The following ZFAND6 variants were observed in gnomAD, a reference collection of about 807,000 sequenced individuals.
ZFAND6 encodes the protein AN1-type zinc finger protein 6.
A neutral mutation model predicts 24.5 loss-of-function variants in ZFAND6; 12 were observed. The observed-to-expected ratio is 0.49, with a 90% CI of 0.31 to 0.79. The LOEUF (loss-of-function observed/expected upper bound fraction) is 0.79, where lower values mean the gene tolerates loss of function less well. Ranked by LOEUF, ZFAND6 falls within the 30% of genes least tolerant of loss-of-function variation. The probability of loss-of-function intolerance (pLI) is 0.04; values close to 1 mark genes in which losing one functional copy is unlikely to be tolerated. For synonymous variants in ZFAND6, 92 were observed against 81.5 expected, an observed-to-expected ratio of 1.13 and a Z score of -0.69; for missense variants, 207 against 245.9, an observed-to-expected ratio of 0.84 and a Z score of 1.06.
chr15:80,101,106 T>A (rs1324006718), intron 2 of ZFAND6, among the ~76,000 whole-genome samples: 1 of 152,192 alleles, frequency 6.6e-6, no homozygotes, highest in African/African-American at 2.4e-5. Flanking sequence ...ATTTGAACAT[T>A]ACAAAGTAGG....
At chr15:80,112,499 A>AC (rs1480498243) in intron 2 of ZFAND6, among the ~76,000 whole-genome samples, 1 of 151,880 alleles carries the variant, frequency 6.6e-6, no homozygotes, top group Non-Finnish European at 1.5e-5. Context: ...TTGGGTTCAA[A>AC]CAATGCTCCT....
At chr15:80,132,198 A>G (rs1055229377) in intron 6 of ZFAND6, among the ~76,000 whole-genome samples, 1 of 152,204 alleles carries the variant, frequency 6.6e-6, no homozygotes, top group African/African-American at 2.4e-5. Context: ...AATACATTGG[A>G]AAATTTTTTG....
At chr15:80,065,208 CAT>C (rs1248082125) in intron 1 of ZFAND6, among the ~76,000 whole-genome samples, 2 of 151,088 alleles carry the variant, frequency 1.3e-5, no homozygotes, top group African/African-American at 2.4e-5. Context: ...TTTATTTTGA[CAT>C]ATGTGAAGTG....
intron 1 of ZFAND6, among the ~76,000 whole-genome samples, chr15:80,064,640 G>GT (rs2036516685): frequency 6.6e-6 from 1 of 151,250 alleles, no homozygotes; most frequent in African/African-American, 2.4e-5. Flanking sequence ...GTATGTTTGG[G>GT]TTTTTTAAAA....
chr15:80,065,021 T>TG (rs1264600065), intron 1 of ZFAND6, among the ~76,000 whole-genome samples: 1 of 144,000 alleles, frequency 6.9e-6, no homozygotes, highest in African/African-American at 2.5e-5. Context: ...TTTTTTTTTT[T>TG]TAACAAAACA....
chr15:80,097,424 G>A (rs2038788555), intron 1 of ZFAND6, among the ~76,000 whole-genome samples: 1 of 152,092 alleles, frequency 6.6e-6, no homozygotes, highest in South Asian at 2.1e-4. Context: ...AAGGCAGGTG[G>A]ATCACCTGAG....
At chr15:80,107,336 A>G (rs770712354) in intron 2 of ZFAND6, among the ~76,000 whole-genome samples, 6 of 152,198 alleles carry the variant, frequency 3.9e-5, no homozygotes, top group Non-Finnish European at 8.8e-5. Context: ...ACTATTAGGT[A>G]GTCATTACAT....
At chr15:80,100,987 CT>C (rs143191151) in intron 2 of ZFAND6, among the ~76,000 whole-genome samples, 136 of 152,202 alleles carry the variant, frequency 8.9e-4, no homozygotes, top group African/African-American at 3.1e-3. Context: ...ATCATCAGTG[CT>C]TGCAAATTAT....
In ZFAND6 at chr15:80,131,177, T is replaced by C. The variant is rs2040583756; in HGVS notation, c.365-3T>C. ...AATTTTGCCACCTTCGTATTTTTGT[T>C]AGCTTCAGTATCAGACACAGCACAG... On this transcript the variant is annotated splice_region_variant and splice_polypyrimidine_tract_variant and intron_variant, in intron 5 of 6. Coordinates refer to ENST00000261749, the MANE Select transcript of ZFAND6 (RefSeq NM_019006.4). 1 of 1,531,700 alleles carries C rather than the reference T, an allele frequency of 6.5e-7. No individual in the cohort carries two copies. The highest frequency in any genetic ancestry group is 8.8e-7 in the Non-Finnish European group (1 of 1,135,178). 94.9% of individuals were successfully genotyped at this position (1,531,700 alleles called of 1,614,324 possible).
intron 1 of ZFAND6, among the ~76,000 whole-genome samples, chr15:80,080,527 TC>T (rs1335712491): frequency 6.6e-6 from 1 of 152,246 alleles, no homozygotes; most frequent in African/African-American, 2.4e-5. Flanking sequence ...TTATGTGATA[TC>T]ATCTCCCTCC....
chr15:80,107,406 A>AATG (rs2039388736), intron 2 of ZFAND6, among the ~76,000 whole-genome samples: 1 of 152,174 alleles, frequency 6.6e-6, no homozygotes. Context: ...GTACTATTAT[A>AATG]GTATGGTTTG....
chr15:80,121,930 C>T, intron 4 of ZFAND6, 110 bp downstream of exon 4: 1 of 942,244 alleles, frequency 1.1e-6, no homozygotes, highest in East Asian at 2.8e-5. Flanking sequence ...GATTAACTGG[C>T]CTAAAATTTT....
At chr15:80,111,711 T>G (rs1474612723) in intron 2 of ZFAND6, among the ~76,000 whole-genome samples, 2 of 152,220 alleles carry the variant, frequency 1.3e-5, no homozygotes, top group Admixed American at 6.5e-5. Flanking sequence ...GTGGTACTAG[T>G]TCAAAGTTTA....
At chr15:80,126,277 G>A (rs1290323340) in intron 5 of ZFAND6, among the ~76,000 whole-genome samples, 1 of 152,194 alleles carries the variant, frequency 6.6e-6, no homozygotes, top group Admixed American at 6.5e-5. Flanking sequence ...AAAGCTGTAT[G>A]GGTTTTAAAA....
chr15:80,082,157 A>G (rs1393074543), intron 1 of ZFAND6, among the ~76,000 whole-genome samples: 1 of 152,188 alleles, frequency 6.6e-6, no homozygotes, highest in Non-Finnish European at 1.5e-5. Context: ...TACATAGGAT[A>G]TGGGAATGGT....
At chr15:80,088,595 C>CT (rs2038149081) in intron 1 of ZFAND6, among the ~76,000 whole-genome samples, 1 of 152,210 alleles carries the variant, frequency 6.6e-6, no homozygotes, top group Non-Finnish European at 1.5e-5. Flanking sequence ...CGTCCTCACT[C>CT]TTTCCTTATG....
chr15:80,088,973 A>G (rs7183846), intron 1 of ZFAND6, among the ~76,000 whole-genome samples: 147,198 of 152,212 alleles, frequency 0.97, 71,202 homozygotes, highest in East Asian at 1. Context: ...GACCCACCAT[A>G]ATCTTGCCCT....
intron 5 of ZFAND6, among the ~76,000 whole-genome samples, chr15:80,127,784 T>C (rs550179965): frequency 1.3e-5 from 2 of 152,064 alleles, no homozygotes; most frequent in Admixed American, 6.6e-5. Flanking sequence ...TGGAAAACAA[T>C]CTCCTAGCTC....
chr15:80,133,362 T>A (rs940921808), intron 6 of ZFAND6, among the ~76,000 whole-genome samples: 2 of 151,986 alleles, frequency 1.3e-5, no homozygotes, highest in African/African-American at 4.8e-5. Context: ...CCGGCTAATT[T>A]TTGTATTTCT....
Sources: gnomAD v4.1 joint callset for allele counts (sites outside exome capture counted in the v4.1 genomes callset) on GRCh38, gnomAD v4.1.1 for gene constraint, MANE v1.5 for transcripts, NCBI Gene and HGNC (gene_info 2026-07-23, HGNC 2026-07-21) for gene names.